Variants in FAM133B observed in about 807,000 individuals in gnomAD.
FAM133B encodes the protein family with sequence similarity 133 member B, also known as protein FAM133B.
In FAM133B, 25 loss-of-function variants were observed where a neutral mutation model predicts 46.4. That is an observed-to-expected ratio of 0.54 (90% CI 0.39 to 0.75). The LOEUF (loss-of-function observed/expected upper bound fraction) is 0.75. Among genes scored for constraint, FAM133B ranks in the 30% least tolerant of loss-of-function variants. The pLI is 0.00. For missense variants in FAM133B, 205 were observed against 277.6 expected (o/e 0.74, Z 1.86); for synonymous variants, 75 against 86.0 (o/e 0.87, Z 0.71).
intron 1 of FAM133B, among the ~76,000 whole-genome samples, chr7:92,581,972 G>T (rs1794890438): frequency 1.3e-5 from 2 of 152,152 alleles, no homozygotes; most frequent in Non-Finnish European, 2.9e-5. Flanking sequence ...TTCCAGGCTT[G>T]GTGCAGTGGC....
chr7:92,578,808 G>A (rs1386864537), intron 3 of FAM133B, among the ~76,000 whole-genome samples: 1 of 152,100 alleles, frequency 6.6e-6, no homozygotes, highest in Non-Finnish European at 1.5e-5. Flanking sequence ...TACTTTGGGA[G>A]GCTAAGGTGG....
At chr7:92,565,149 CTTTTTTT>C (rs72450473) in intron 10 of FAM133B, among the ~76,000 whole-genome samples, 5 of 130,466 alleles carry the variant, frequency 3.8e-5, no homozygotes, top group Admixed American at 7.8e-5. Context: ...GCTTATATTT[CTTTTTTT>C]TTTTTTTTTT....
At chr7:92,580,167 G>T (rs181472116) in intron 2 of FAM133B, among the ~76,000 whole-genome samples, 1 of 151,650 alleles carries the variant, frequency 6.6e-6, no homozygotes, top group African/African-American at 2.4e-5. Flanking sequence ...TTCAACTCCT[G>T]GCCTCAAGCA....
At chr7:92,564,733 A>T (rs1420443987) in intron 10 of FAM133B, among the ~76,000 whole-genome samples, 2 of 152,116 alleles carry the variant, frequency 1.3e-5, no homozygotes, top group Admixed American at 1.3e-4. Context: ...ATGCCTTCAA[A>T]GGTCATAGCT....
At chr7:92,584,085 G>A (rs887563053) in intron 1 of FAM133B, among the ~76,000 whole-genome samples, 1 of 142,320 alleles carries the variant, frequency 7.0e-6, no homozygotes. Context: ...AAAGGGTCTT[G>A]CTCTTTTGCC....
intron 7 of FAM133B, 22 bp from the exon 8 acceptor site, chr7:92,575,843 T>A: frequency 8.8e-7 from 1 of 1,132,686 alleles, no homozygotes; most frequent in Non-Finnish European, 1.3e-6. Flanking sequence ...AATATATGTA[T>A]CAATTTTAAA....
At chr7:92,570,659 C>T (rs970784517) in intron 8 of FAM133B, among the ~76,000 whole-genome samples, 3 of 152,028 alleles carry the variant, frequency 2.0e-5, no homozygotes, top group Admixed American at 1.3e-4. Flanking sequence ...ATGTTCACCA[C>T]CTAATCTTAC....
chr7:92,583,254 C>A (rs1263489588), intron 1 of FAM133B, among the ~76,000 whole-genome samples: 1 of 152,048 alleles, frequency 6.6e-6, no homozygotes, highest in Middle Eastern at 3.2e-3. Flanking sequence ...TATATGATTC[C>A]ATTTATATGA....
intron 6 of FAM133B, 91 bp from the exon 7 acceptor site, chr7:92,577,286 A>T (rs1794731427): frequency 1.2e-6 from 1 of 815,028 alleles, no homozygotes; most frequent in Non-Finnish European, 1.8e-6. Flanking sequence ...AGTGAACAAA[A>T]TTTCACAAAA....
At position 92,589,994 on chromosome 7, in the gene FAM133B, C is replaced by T. The variant is rs1021515531; in HGVS notation, c.24+274G>A. On this transcript the variant is annotated intron_variant, in intron 1 of 10. Transcript: ENST00000445716. ...GTTCTAAGTGGGCACTGGGGGCCCG[C>T]GTACAGCAGGCAAGAGTGCAAACCA... 7.4e-6 allele frequency: 4 copies of T among 540,492 alleles called. No individual in the cohort carries two copies. In the East Asian group the frequency reaches 1.3e-4, roughly 17 times the overall value. The allele number at this position is 540,492 out of a possible 1,614,324, so 33.5% of individuals were successfully genotyped here.
chr7:92,578,144 G>A lies in FAM133B; in HGVS notation c.309+6C>T, dbSNP rs774214782. 1 of 1,604,968 alleles carries A rather than the reference G, an allele frequency of 6.2e-7. No homozygotes were observed. Among genetic ancestry groups the A allele is most frequent in the Admixed American group, 1.7e-5 (1 of 58,354 alleles). On this transcript the variant is annotated splice_donor_region_variant and intron_variant, in intron 5 of 10. Transcript: ENST00000445716. The stretch of plus-strand genomic sequence containing the variant: ...ACGTTTAGAAAAATGGAAAATTTTT[G>A]CTCACCCTACCAGATTTCTTCTTTT...
chr7:92,586,480 G>A (rs1226791381), intron 1 of FAM133B, among the ~76,000 whole-genome samples: 1 of 152,208 alleles, frequency 6.6e-6, no homozygotes, highest in Non-Finnish European at 1.5e-5. Context: ...GGGTGGCATG[G>A]TTAAGCATTC....
At chr7:92,583,119 T>C (rs1477949620) in intron 1 of FAM133B, among the ~76,000 whole-genome samples, 1 of 152,236 alleles carries the variant, frequency 6.6e-6, no homozygotes, top group Admixed American at 6.5e-5. Flanking sequence ...CTGTGGTATA[T>C]ACATACAATG....
At chr7:92,583,623 G>A (rs541468514) in intron 1 of FAM133B, among the ~76,000 whole-genome samples, 2 of 152,092 alleles carry the variant, frequency 1.3e-5, no homozygotes, top group Middle Eastern at 3.4e-3. Flanking sequence ...TTAGCAAAGC[G>A]ATGTTGTTTT....
chr7:92,569,322 T>C (rs1359849642), intron 9 of FAM133B, among the ~76,000 whole-genome samples: 2 of 152,208 alleles, frequency 1.3e-5, no homozygotes, highest in African/African-American at 4.8e-5. Context: ...ATGCAATGCC[T>C]TTCGTAATTT....
chr7:92,580,904 C>T (rs1040737670), intron 2 of FAM133B, among the ~76,000 whole-genome samples: 3 of 152,206 alleles, frequency 2.0e-5, no homozygotes, highest in Non-Finnish European at 4.4e-5. Context: ...TCTTATTTAA[C>T]TCAAAGGAAG....
chr7:92,590,004 G>C (rs902944242), intron 1 of FAM133B: 1 of 565,240 alleles, frequency 1.8e-6, no homozygotes, highest in Non-Finnish European at 3.1e-6. Context: ...CGTACAGCAG[G>C]CAAGAGTGCA....
intron 9 of FAM133B, among the ~76,000 whole-genome samples, chr7:92,568,237 G>A (rs2116383146): frequency 6.6e-6 from 1 of 152,180 alleles, no homozygotes; most frequent in East Asian, 1.9e-4. Context: ...CAAGCCTCTT[G>A]TGCAGGATTT....
chr7:92,577,743 G>A (rs1794745016), intron 5 of FAM133B, 26 bp from the exon 6 acceptor site: 1 of 1,537,942 alleles, frequency 6.5e-7, no homozygotes, highest in Admixed American at 2.0e-5. Context: ...AACAATTAAA[G>A]CTTGTGAGAT....
Sources: allele counts gnomAD v4.1 joint callset (sites outside exome capture counted in the v4.1 genomes callset), GRCh38; gene constraint gnomAD v4.1.1; transcripts MANE v1.5; gene names NCBI Gene and HGNC (gene_info 2026-07-23, HGNC 2026-07-21).